Variants in ATG5 observed in about 807,000 individuals in gnomAD.
The protein encoded by ATG5 is autophagy protein 5.
ATG5 carries 14 observed loss-of-function variants against 36.5 expected under a neutral mutation model. That is an observed-to-expected ratio of 0.38 (90% CI 0.25 to 0.60). The LOEUF is 0.60. Ranked by LOEUF, ATG5 falls within the 20% of genes least tolerant of loss-of-function variation. The pLI, the probability that ATG5 is intolerant of heterozygous loss-of-function variation, is 0.60. For missense variants in ATG5, 195 were observed against 326.7 expected (o/e 0.60, Z 3.11); for synonymous variants, 95 against 101.5 (o/e 0.94, Z 0.38).
intron 6 of ATG5, among the ~76,000 whole-genome samples, chr6:106,223,308 C>G (rs928218555): frequency 6.6e-6 from 1 of 152,080 alleles, no homozygotes; most frequent in African/African-American, 2.4e-5. Flanking sequence ...AACTGAAGTC[C>G]TAGAAAATAG....
At chr6:106,211,446 C>A (rs768728245) in intron 6 of ATG5, among the ~76,000 whole-genome samples, 26 of 152,194 alleles carry the variant, frequency 1.7e-4, no homozygotes, top group Non-Finnish European at 3.7e-4. Flanking sequence ...CGTGGTGGCT[C>A]ACGCCTGTAA....
chr6:106,318,996 G>C (rs1171635049), intron 1 of ATG5, among the ~76,000 whole-genome samples: 1 of 152,206 alleles, frequency 6.6e-6, no homozygotes, highest in African/African-American at 2.4e-5. Context: ...TACAGTAGAA[G>C]TTAGAAATGT....
intron 6 of ATG5, among the ~76,000 whole-genome samples, chr6:106,223,474 T>C (rs951311250): frequency 6.6e-6 from 1 of 152,212 alleles, no homozygotes; most frequent in African/African-American, 2.4e-5. Flanking sequence ...CTCAGCGTAG[T>C]AGATAGCTTA....
chr6:106,232,121 G>A (rs1365237438), intron 6 of ATG5, among the ~76,000 whole-genome samples: 1 of 152,144 alleles, frequency 6.6e-6, no homozygotes, highest in African/African-American at 2.4e-5. Flanking sequence ...GAGAGTGCCC[G>A]GGGCAAGCAC....
At chr6:106,260,543 A>G (rs1411712989) in intron 5 of ATG5, among the ~76,000 whole-genome samples, 1 of 152,184 alleles carries the variant, frequency 6.6e-6, no homozygotes, top group African/African-American at 2.4e-5. Context: ...TTTATTTTAG[A>G]TGAACAAACG....
intron 5 of ATG5, among the ~76,000 whole-genome samples, chr6:106,265,759 C>A (rs184794009): frequency 6.6e-6 from 1 of 152,070 alleles, no homozygotes; most frequent in Admixed American, 6.5e-5. Flanking sequence ...TGGTAAATAA[C>A]GAAATTAAGG....
chr6:106,194,911 G>A (rs549598815), intron 7 of ATG5, among the ~76,000 whole-genome samples: 1 of 152,200 alleles, frequency 6.6e-6, no homozygotes, highest in African/African-American at 2.4e-5. Context: ...TATTTTTAAT[G>A]TACAAAGAAA....
rs1363985665 is a variant in ATG5 at position 106,235,914 on chromosome 6, C to T, written c.573+12236G>A. ...TAACAGTGTTACAGTTTCAAGAGGA[C>T]CCCTTCAACAAGATATTGGGCATTT... On this transcript the variant is annotated intron_variant, in intron 6 of 7. Transcript: ENST00000369076. Among the ~76,000 whole-genome samples, 5 of 152,238 alleles carry T rather than the reference C, an allele frequency of 3.3e-5. No homozygotes were observed. In the East Asian group the frequency reaches 9.6e-4, roughly 29 times the overall value.
chr6:106,216,756 T>C (rs949630568), intron 6 of ATG5, among the ~76,000 whole-genome samples: 3 of 152,182 alleles, frequency 2.0e-5, no homozygotes, highest in East Asian at 1.9e-4. Flanking sequence ...ATAGTGGCTA[T>C]AGTCCTAGCT....
chr6:106,231,515 A>T (rs567989007), intron 6 of ATG5, among the ~76,000 whole-genome samples: 1 of 152,314 alleles, frequency 6.6e-6, no homozygotes, highest in Non-Finnish European at 1.5e-5. Context: ...TGCGTGCTAG[A>T]AGGACTAAGG....
chr6:106,312,438 A>G (rs774991153), intron 2 of ATG5, among the ~76,000 whole-genome samples: 7 of 152,152 alleles, frequency 4.6e-5, no homozygotes, highest in African/African-American at 9.7e-5. Context: ...CCAGCAGACA[A>G]ATATATAGGT....
intron 3 of ATG5, among the ~76,000 whole-genome samples, chr6:106,299,012 T>G (rs960281625): frequency 6.6e-6 from 1 of 152,296 alleles, no homozygotes; most frequent in East Asian, 1.9e-4. Context: ...AAACCACATA[T>G]ACCCTAAGTA....
chr6:106,219,413 T>C (rs183415736), intron 6 of ATG5, among the ~76,000 whole-genome samples: 80 of 152,330 alleles, frequency 5.3e-4, no homozygotes, highest in Non-Finnish European at 1.1e-3. Context: ...CAGTCAGCCC[T>C]CCCTATCCAG....
At chr6:106,244,488 A>G (rs1778254254) in intron 6 of ATG5, among the ~76,000 whole-genome samples, 1 of 152,180 alleles carries the variant, frequency 6.6e-6, no homozygotes, top group Non-Finnish European at 1.5e-5. Context: ...AGCTCTTCTC[A>G]TGACTCTTTG....
intron 1 of ATG5, among the ~76,000 whole-genome samples, chr6:106,318,222 A>C (rs1255499692): frequency 6.6e-6 from 1 of 152,140 alleles, no homozygotes; most frequent in African/African-American, 2.4e-5. Context: ...ATTCCAGGAC[A>C]CCACTTGACA....
intron 4 of ATG5, among the ~76,000 whole-genome samples, chr6:106,292,154 C>T (rs902453683): frequency 4.6e-5 from 7 of 152,174 alleles, no homozygotes. Flanking sequence ...AAGACCAGTT[C>T]AAGCACCTGA....
chr6:106,288,934 A>ATGTGTG (rs139396189), intron 4 of ATG5, among the ~76,000 whole-genome samples: 5 of 150,932 alleles, frequency 3.3e-5, no homozygotes, highest in African/African-American at 1.2e-4. Context: ...ACTGATCCAA[A>ATGTGTG]TGTGTGTGTG....
At chr6:106,265,303 C>A (rs997019750) in intron 5 of ATG5, among the ~76,000 whole-genome samples, 2 of 151,954 alleles carry the variant, frequency 1.3e-5, no homozygotes, top group Non-Finnish European at 2.9e-5. Flanking sequence ...CAAGAGCTAA[C>A]TATCCTAAAT....
At chr6:106,300,761 T>C (rs1562264107) in intron 3 of ATG5, among the ~76,000 whole-genome samples, 1 of 152,086 alleles carries the variant, frequency 6.6e-6, no homozygotes, top group Non-Finnish European at 1.5e-5. Context: ...CAGATTATCA[T>C]CTTCTGGGAC....
Sources: gnomAD v4.1 joint callset for allele counts (sites outside exome capture counted in the v4.1 genomes callset) on GRCh38, gnomAD v4.1.1 for gene constraint, MANE v1.5 for transcripts, NCBI Gene and HGNC (gene_info 2026-07-23, HGNC 2026-07-21) for gene names.